The following CDYL variants were observed in gnomAD, a reference collection of about 807,000 sequenced individuals.
CDYL encodes chromodomain Y like.
A neutral mutation model predicts 47.3 loss-of-function variants in CDYL; 8 were observed. The observed-to-expected ratio is 0.17, with a 90% CI of 0.10 to 0.31. The LOEUF is 0.31. Among genes scored for constraint, CDYL ranks in the 10% least tolerant of loss-of-function variants. The probability of loss-of-function intolerance (pLI) is 1.00; values close to 1 mark genes in which losing one functional copy is unlikely to be tolerated. For synonymous variants in CDYL, 266 were observed against 265.0 expected, an observed-to-expected ratio of 1.00 and a Z score of -0.04; for missense variants, 471 against 701.4, an observed-to-expected ratio of 0.67 and a Z score of 3.71.
intron 1 of CDYL, among the ~76,000 whole-genome samples, chr6:4,855,898 G>A (rs1274394316): frequency 1.3e-5 from 2 of 152,226 alleles, no homozygotes; most frequent in African/African-American, 2.4e-5. Flanking sequence ...GCCAAGCTCA[G>A]TACTGGGCAT....
chr6:4,798,782 A>G (rs1203488039), intron 1 of CDYL, among the ~76,000 whole-genome samples: 1 of 152,192 alleles, frequency 6.6e-6, no homozygotes, highest in Non-Finnish European at 1.5e-5. Context: ...CAGTGAAGCT[A>G]TTGGGGACTA....
intron 3 of CDYL, among the ~76,000 whole-genome samples, chr6:4,750,658 T>C (rs1757973398): frequency 2.0e-5 from 3 of 152,060 alleles, no homozygotes; most frequent in Admixed American, 1.3e-4. Flanking sequence ...AATTAATATA[T>C]GTGATGTATT....
intron 1 of CDYL, among the ~76,000 whole-genome samples, chr6:4,847,584 C>G (rs1760701195): frequency 6.6e-6 from 1 of 152,158 alleles, no homozygotes. Flanking sequence ...TTTCTCTTGT[C>G]ATGAACTGAA....
At chr6:4,717,703 C>CAAAAAAAAAAAAAAAAAAAAAA (rs200835710) in intron 2 of CDYL, among the ~76,000 whole-genome samples, 1 of 49,340 alleles carries the variant, frequency 2.0e-5, no homozygotes, top group Non-Finnish European at 3.5e-5. Flanking sequence ...AAGACCCTCA[C>CAAAAAAAAAAAAAAAAAAAAAA]AAAAAAAAAA....
rs34649909 is a variant in CDYL at position 4,943,770 on chromosome 6, T to TAAA, written c.1332+29_1332+31dup. On this transcript the variant is annotated intron_variant, in intron 5 of 6. Coordinates refer to ENST00000397588, the MANE Select transcript of CDYL (RefSeq NM_004824.4). ...GGAGGAGCATCTGTGAGTACCTTTT[T>TAAA]AAAAAAAAAAAAAAAAAGTCATTCT... 0.091 allele frequency: 104,524 copies of TAAA among 1,153,928 alleles called. 1,446 individuals are homozygous for TAAA. The highest frequency in any genetic ancestry group is 0.1 in the African/African-American group (6,366 of 63,094). The allele number at this position is 1,153,928 out of a possible 1,614,324, so 71.5% of individuals were successfully genotyped here.
At chr6:4,892,583 C>T (rs960863285) in intron 2 of CDYL, among the ~76,000 whole-genome samples, 1 of 152,188 alleles carries the variant, frequency 6.6e-6, no homozygotes, top group African/African-American at 2.4e-5. Context: ...CTGTGTAATT[C>T]GCCATCCACA....
intron 3 of CDYL, among the ~76,000 whole-genome samples, chr6:4,753,316 C>T (rs1170486482): frequency 6.6e-6 from 1 of 152,134 alleles, no homozygotes; most frequent in Non-Finnish European, 1.5e-5. Flanking sequence ...GCTCACCCAC[C>T]TGCATGCTAA....
intron 1 of CDYL, among the ~76,000 whole-genome samples, chr6:4,807,047 C>T (rs1298280940): frequency 1.3e-5 from 2 of 152,194 alleles, no homozygotes; most frequent in Non-Finnish European, 1.5e-5. Context: ...TGCGTGCGTG[C>T]ACCGGTGTCT....
intron 3 of CDYL, among the ~76,000 whole-genome samples, chr6:4,760,536 G>A (rs1324697994): frequency 6.6e-6 from 1 of 152,132 alleles, no homozygotes; most frequent in Non-Finnish European, 1.5e-5. Context: ...TCATTTAGAG[G>A]AATATTCGTG....
intron 2 of CDYL, among the ~76,000 whole-genome samples, chr6:4,716,413 A>AT (rs1194931978): frequency 1.3e-5 from 2 of 151,744 alleles, no homozygotes; most frequent in Admixed American, 6.6e-5. Context: ...CCCTAAATAA[A>AT]TTTTTTGTAG....
intron 1 of CDYL, among the ~76,000 whole-genome samples, chr6:4,782,979 C>T (rs775651606): frequency 2.0e-5 from 3 of 152,240 alleles, no homozygotes; most frequent in Admixed American, 6.5e-5. Flanking sequence ...AATGGCACTT[C>T]TGACAATGTA....
At chr6:4,895,184 T>C (rs1309831052) in intron 2 of CDYL, among the ~76,000 whole-genome samples, 1 of 140,888 alleles carries the variant, frequency 7.1e-6, no homozygotes, top group African/African-American at 3.0e-5. Context: ...TGTATATATG[T>C]GTATATATGT....
chr6:4,716,114 T>TA, intron 2 of CDYL, among the ~76,000 whole-genome samples: 1 of 151,950 alleles, frequency 6.6e-6, no homozygotes, highest in South Asian at 2.1e-4. Flanking sequence ...CCTGGCGTGG[T>TA]GTGGGTGCCT....
At chr6:4,820,709 C>G (rs80155849) in intron 1 of CDYL, among the ~76,000 whole-genome samples, 5,063 of 152,278 alleles carry the variant, frequency 0.033, 284 homozygotes, top group African/African-American at 0.11. Flanking sequence ...AAACCAGTTC[C>G]CTTGTGAGTG....
In CDYL at chr6:4,954,131, C is replaced by T. The variant is rs1410082407; in HGVS notation, c.*75C>T. The T allele has an allele frequency of 2.0e-6, 3 of 1,483,170 alleles. No homozygotes were observed. In the African/African-American group the frequency reaches 4.2e-5, roughly 21 times the overall value. 91.9% of individuals were successfully genotyped at this position (1,483,170 alleles called of 1,614,324 possible). On this transcript the variant is annotated 3_prime_UTR_variant, in exon 7 of 7. Coordinates refer to ENST00000397588, the MANE Select transcript of CDYL (RefSeq NM_004824.4). Reference sequence around the variant, plus strand: ...ATCACCGGCTCCAGTTCCCCTGATCCATTCTCACAGCCTGAAACAAGCTCA... The same window carrying T: ...ATCACCGGCTCCAGTTCCCCTGATCTATTCTCACAGCCTGAAACAAGCTCA...
intron 1 of CDYL, among the ~76,000 whole-genome samples, 184 bp from the exon 2 acceptor site, chr6:4,891,529 T>G (rs1041065981): frequency 2.0e-5 from 3 of 152,226 alleles, no homozygotes; most frequent in African/African-American, 7.2e-5. Flanking sequence ...GCATCTTGTT[T>G]GACTTACTTT....
At chr6:4,894,881 A>ATATATACACACG (rs1561692312) in intron 2 of CDYL, among the ~76,000 whole-genome samples, 7 of 140,408 alleles carry the variant, frequency 5.0e-5, no homozygotes, top group Non-Finnish European at 1.0e-4. Context: ...ACACATGTGT[A>ATATATACACACG]TGTGTGTGTA....
intron 1 of CDYL, among the ~76,000 whole-genome samples, chr6:4,866,820 C>T (rs1284058386): frequency 2.0e-5 from 3 of 152,150 alleles, no homozygotes; most frequent in South Asian, 2.1e-4. Flanking sequence ...TCTCACTTTG[C>T]GTTCTACCCC....
At chr6:4,926,821 T>TA (rs1377367513) in intron 2 of CDYL, among the ~76,000 whole-genome samples, 2 of 151,706 alleles carry the variant, frequency 1.3e-5, no homozygotes, top group African/African-American at 4.8e-5. Flanking sequence ...ATCTTTCATT[T>TA]TTATTTTTTT....
Sources: gnomAD v4.1 joint callset for allele counts (sites outside exome capture counted in the v4.1 genomes callset) on GRCh38, gnomAD v4.1.1 for gene constraint, MANE v1.5 for transcripts, NCBI Gene and HGNC (gene_info 2026-07-23, HGNC 2026-07-21) for gene names.